The following SLC11A2 variants were observed in gnomAD, a reference collection of about 807,000 sequenced individuals.
SLC11A2 encodes the protein natural resistance-associated macrophage protein 2.
In SLC11A2, 38 loss-of-function variants were observed where a neutral mutation model predicts 68.0. The observed-to-expected ratio is 0.56, with a 90% confidence interval of 0.43 to 0.73. The LOEUF is 0.73. Among genes scored for constraint, SLC11A2 ranks in the 30% least tolerant of loss-of-function variants. The pLI is 0.00. For missense variants in SLC11A2, 517 were observed against 690.5 expected (o/e 0.75, Z 2.82); for synonymous variants, 242 against 250.6 (o/e 0.97, Z 0.32).
At chr12:50,971,704 AAT>A in the SLC11A2 span, among the ~76,000 whole-genome samples, 166 of 152,344 alleles carry the variant, frequency 1.1e-3, no homozygotes, top group South Asian at 5.8e-3. Flanking sequence ...GAGAGAAAAA[AAT>A]AGTCACTGAA....
downstream of SLC11A2, among the ~76,000 whole-genome samples, chr12:50,977,324 C>A (rs1939861273): frequency 6.6e-6 from 1 of 152,058 alleles, no homozygotes. Flanking sequence ...CAGAACAGAG[C>A]CCTCAGAAAT....
intron 15 of SLC11A2, among the ~76,000 whole-genome samples, chr12:50,988,671 ACTG>A (rs1356419437): frequency 6.6e-6 from 1 of 152,062 alleles, no homozygotes; most frequent in Non-Finnish European, 1.5e-5. Flanking sequence ...CTCTGTTCTT[ACTG>A]CTTTGTGTCT....
At chr12:50,995,304 G>A (rs996534241) in intron 10 of SLC11A2, among the ~76,000 whole-genome samples, 4 of 151,958 alleles carry the variant, frequency 2.6e-5, no homozygotes, top group South Asian at 2.1e-4. Context: ...GCAAGACTCC[G>A]TCTCAAAAAA....
the SLC11A2 span, among the ~76,000 whole-genome samples, chr12:50,972,468 C>T: frequency 3.0e-4 from 45 of 152,212 alleles, no homozygotes; most frequent in Non-Finnish European, 2.8e-4. Flanking sequence ...TGGTCACAAT[C>T]GAATCACTCG....
chr12:51,020,595 GTCTC>G (rs144314513), intron 1 of SLC11A2, among the ~76,000 whole-genome samples: 4 of 150,102 alleles, frequency 2.7e-5, no homozygotes, highest in East Asian at 1.9e-4. Flanking sequence ...ACATGAACCA[GTCTC>G]TCTCTCTCTC....
intron 9 of SLC11A2, 55 bp from the exon 10 acceptor site, chr12:50,995,842 T>C: frequency 3.2e-6 from 5 of 1,575,466 alleles, no homozygotes; most frequent in South Asian, 1.1e-5. Flanking sequence ...AGTTTCCTTG[T>C]GACATTTCAG....
chr12:51,001,270 A>C (rs543071616), intron 5 of SLC11A2, among the ~76,000 whole-genome samples: 1 of 152,076 alleles, frequency 6.6e-6, no homozygotes, highest in African/African-American at 2.4e-5. Flanking sequence ...GGAGTTTGAG[A>C]CCAGCCTGGG....
chr12:51,002,830 C>G (rs1942382950), intron 5 of SLC11A2, among the ~76,000 whole-genome samples: 1 of 151,866 alleles, frequency 6.6e-6, no homozygotes, highest in African/African-American at 2.4e-5. Flanking sequence ...GTCCCAGCTA[C>G]TCAGGAGGCT....
intron 1 of SLC11A2, among the ~76,000 whole-genome samples, chr12:51,019,792 C>T (rs1024687060): frequency 3.5e-4 from 53 of 151,004 alleles, no homozygotes; most frequent in African/African-American, 1.1e-3. Context: ...GGACTAGAGG[C>T]GTGTGCCATG....
At position 50,993,992 on chromosome 12, in the gene SLC11A2, C is replaced by CAAAA. The variant is rs71663850; in HGVS notation, c.1077+548_1077+551dup. Reference sequence around the variant, plus strand: ...GGGCAACAGAGCAAGACCTTGTCTCCAAAAAAAAAAAAAAAAAAAAAAAAA... The same window carrying CAAAA: ...GGGCAACAGAGCAAGACCTTGTCTCCAAAAAAAAAAAAAAAAAAAAAAAAAAAAA... On this transcript the variant is annotated intron_variant, in intron 11 of 15. Coordinates refer to ENST00000262052, the MANE Select transcript of SLC11A2 (RefSeq NM_000617.3). Among the ~76,000 whole-genome samples the CAAAA allele has an allele frequency of 8.1e-3, 390 of 48,396 alleles. 13 individuals carry two copies. Among genetic ancestry groups the CAAAA allele is most frequent in the African/African-American group, 0.028 (366 of 13,198 alleles). The allele number at this position is 48,396 out of a possible 152,430, so 31.7% of individuals were successfully genotyped here.
chr12:51,019,977 C>A (rs779454940), intron 1 of SLC11A2, among the ~76,000 whole-genome samples: 1 of 152,078 alleles, frequency 6.6e-6, no homozygotes, highest in African/African-American at 2.4e-5. Context: ...TGCTCCCATT[C>A]GAGGTGTGGG....
At chr12:50,977,505 T>C (rs1477293006), downstream of SLC11A2, among the ~76,000 whole-genome samples, 1 of 152,136 alleles carries the variant, frequency 6.6e-6, no homozygotes, top group African/African-American at 2.4e-5. Context: ...TCAAGATGGA[T>C]TAAAGACTTA....
At chr12:50,966,655 T>C in the SLC11A2 span, among the ~76,000 whole-genome samples, 1 of 152,248 alleles carries the variant, frequency 6.6e-6, no homozygotes, top group African/African-American at 2.4e-5. Context: ...GATTACCTTT[T>C]GGTCCAAGTT....
Position 51,023,522 on chromosome 12 carries a change from G to A in SLC11A2, c.-39+2788C>T, listed in dbSNP as rs571417520. On this transcript the variant is annotated intron_variant, in intron 1 of 15. Transcript: ENST00000262052. ...TGCATCTTCTAATTCATTATATTCC[G>A]CTCATTCAAATGCCCCTACCTTTTT... is the stretch of plus-strand genomic sequence containing the variant. Among the ~76,000 whole-genome samples the A allele has an allele frequency of 4.0e-4, 61 of 152,210 alleles. 3 individuals are homozygous for A. In the South Asian group the frequency reaches 7.5e-3, roughly 19 times the overall value.
chr12:51,010,763 G>T lies in SLC11A2; in HGVS notation c.-35C>A, dbSNP rs1437327210. ...CTGAGTGGCTGAGTTCTTAGAATAT[G>T]ATTCTGGAAAGGAGAAAAGTGAGGG... is the stretch of plus-strand genomic sequence containing the variant. On this transcript the variant is annotated 5_prime_UTR_variant, in exon 2 of 16. Coordinates refer to ENST00000262052, the MANE Select transcript of SLC11A2 (RefSeq NM_000617.3). 3 of 1,592,166 alleles carry T rather than the reference G, an allele frequency of 1.9e-6. No individual in the cohort carries two copies. The highest frequency in any genetic ancestry group is 2.3e-5 in the South Asian group (2 of 88,868).
At position 50,987,849 on chromosome 12, in the gene SLC11A2, T is replaced by C. The variant is rs1034212707; in HGVS notation, c.*476A>G. 1.6e-6 allele frequency: 2 copies of C among 1,257,618 alleles called. No individual in the cohort carries two copies. The highest frequency in any genetic ancestry group is 1.0e-6 in the Non-Finnish European group (1 of 976,668). The allele number at this position is 1,257,618 out of a possible 1,614,324, so 77.9% of individuals were successfully genotyped here. A position where few individuals can be genotyped will look rare whatever the true frequency, so the allele number is the denominator to read the frequency against. On this transcript the variant is annotated 3_prime_UTR_variant, in exon 16 of 16. Coordinates refer to ENST00000262052, the MANE Select transcript of SLC11A2 (RefSeq NM_000617.3). ...AGCTATTCTAGTTGATAATTTGGTA[T>C]AATTAAAATAACTGAAAAGGTAGGT...
chr12:51,003,766 A>T (rs1592374129), intron 5 of SLC11A2, among the ~76,000 whole-genome samples: 1 of 144,036 alleles, frequency 6.9e-6, no homozygotes, highest in Non-Finnish European at 1.5e-5. Flanking sequence ...CATCTCCACA[A>T]AAAAAAAAAA....
the SLC11A2 span, chr12:50,960,840 G>A: frequency 2.7e-6 from 2 of 730,414 alleles, no homozygotes; most frequent in Non-Finnish European, 4.3e-6. Context: ...GTATCACCAT[G>A]TGTGGCTAAT....
chr12:51,011,560 T>TG (rs1440349020), intron 1 of SLC11A2, among the ~76,000 whole-genome samples: 29 of 149,710 alleles, frequency 1.9e-4, no homozygotes, highest in Non-Finnish European at 3.1e-4. Context: ...TTGTTTTTTT[T>TG]TGTTTTTTTT....
Sources: allele counts gnomAD v4.1 joint callset (sites outside exome capture counted in the v4.1 genomes callset), GRCh38; gene constraint gnomAD v4.1.1; transcripts MANE v1.5; gene names NCBI Gene and HGNC (gene_info 2026-07-23, HGNC 2026-07-21).